The following AFAP1L2 variants were observed in gnomAD, a reference collection of about 807,000 sequenced individuals.
AFAP1L2 encodes actin filament associated protein 1 like 2, also known as actin filament-associated protein 1-like 2.
AFAP1L2 carries 46 observed loss-of-function variants against 99.3 expected under a neutral mutation model. The ratio of observed to expected loss-of-function variants is 0.46; its 90% CI spans 0.37 to 0.59. The LOEUF is 0.59. Ranked by LOEUF, AFAP1L2 falls within the 20% of genes least tolerant of loss-of-function variation. AFAP1L2 has a pLI of 0.00. For synonymous variants in AFAP1L2, 397 were observed against 419.1 expected (o/e 0.95, Z 0.64); for missense variants, 959 against 1,034.9 (o/e 0.93, Z 1.01).
intron 4 of AFAP1L2, among the ~76,000 whole-genome samples, chr10:114,323,515 T>C (rs2135249282): frequency 6.6e-6 from 1 of 152,278 alleles, no homozygotes; most frequent in Non-Finnish European, 1.5e-5. Flanking sequence ...CCCTGCAAAA[T>C]GAGGCTCAAG....
rs117001047 is a variant in AFAP1L2, at chr10:114,322,640, C to T, written c.406+531G>A. 7.7e-3 allele frequency among the ~76,000 whole-genome samples: 1,176 copies of T among 152,314 alleles called. 6 individuals carry two copies. Among genetic ancestry groups the T allele is most frequent in the Non-Finnish European group, 0.012 (815 of 68,024 alleles). ...TTTCCATCCTCTCACTTATCACCAC[C>T]GACACATGCTGTTTATTTGTTGTCT... On this transcript the variant is annotated intron_variant, in intron 5 of 18. Transcript: ENST00000304129.
At chr10:114,361,505 C>T (rs1342071599) in intron 1 of AFAP1L2, among the ~76,000 whole-genome samples, 3 of 152,172 alleles carry the variant, frequency 2.0e-5, no homozygotes. Flanking sequence ...AAACGTTAAA[C>T]CGAAAGCCGG....
At chr10:114,350,394 G>T (rs1200146224) in intron 1 of AFAP1L2, among the ~76,000 whole-genome samples, 1 of 152,160 alleles carries the variant, frequency 6.6e-6, no homozygotes, top group Non-Finnish European at 1.5e-5. Flanking sequence ...CTTCTGTGTG[G>T]GTAGGGACTA....
chr10:114,392,281 T>C (rs978583985), intron 1 of AFAP1L2, among the ~76,000 whole-genome samples: 1 of 152,074 alleles, frequency 6.6e-6, no homozygotes, highest in Non-Finnish European at 1.5e-5. Context: ...TCCCAGCTGC[T>C]CAGGAGACTG....
At chr10:114,314,630 G>C (rs1277074736) in intron 6 of AFAP1L2, among the ~76,000 whole-genome samples, 2 of 152,218 alleles carry the variant, frequency 1.3e-5, no homozygotes, top group African/African-American at 4.8e-5. Flanking sequence ...TTGGCACGGA[G>C]CAGGGCCTGT....
intron 4 of AFAP1L2, chr10:114,325,879 C>T (rs72826910): frequency 7.8e-6 from 10 of 1,286,802 alleles, no homozygotes; most frequent in Admixed American, 2.3e-5. Context: ...AGGGTCCTCT[C>T]GCCTCTGTGG....
intron 1 of AFAP1L2, among the ~76,000 whole-genome samples, chr10:114,401,418 T>C (rs1326343058): frequency 6.6e-6 from 1 of 152,208 alleles, no homozygotes; most frequent in Non-Finnish European, 1.5e-5. Flanking sequence ...AGGATGCTCT[T>C]ATGAGAGTCA....
intron 2 of AFAP1L2, among the ~76,000 whole-genome samples, chr10:114,334,168 G>A (rs1306933060): frequency 6.6e-6 from 1 of 152,196 alleles, no homozygotes; most frequent in East Asian, 1.9e-4. Context: ...ACCCTGCAGT[G>A]GCACAATCCA....
intron 2 of AFAP1L2, 58 bp from the exon 3 acceptor site, chr10:114,333,353 G>T: frequency 7.2e-7 from 1 of 1,390,776 alleles, no homozygotes; most frequent in Non-Finnish European, 1.0e-6. Flanking sequence ...AGGGCCTCCA[G>T]CTAGAAACCC....
chr10:114,364,986 C>T (rs2052998748), intron 1 of AFAP1L2, among the ~76,000 whole-genome samples: 1 of 152,216 alleles, frequency 6.6e-6, no homozygotes, highest in African/African-American at 2.4e-5. Flanking sequence ...AGTCAAATAA[C>T]ATGACAGGAT....
chr10:114,287,596 T>C, the AFAP1L2 span, among the ~76,000 whole-genome samples: 1 of 152,146 alleles, frequency 6.6e-6, no homozygotes, highest in Non-Finnish European at 1.5e-5. Flanking sequence ...TTCCCTCCTG[T>C]AAGGCGGAAG....
upstream of AFAP1L2, chr10:114,404,805 A>G (rs1766245034): frequency 7.9e-6 from 2 of 252,464 alleles, no homozygotes; most frequent in Non-Finnish European, 1.5e-5. Flanking sequence ...CGAGACTGGG[A>G]CGTTCCCAAA....
chr10:114,358,836 A>G (rs1314093684), intron 1 of AFAP1L2, among the ~76,000 whole-genome samples: 1 of 151,952 alleles, frequency 6.6e-6, no homozygotes, highest in Non-Finnish European at 1.5e-5. Flanking sequence ...AATCGCTTGA[A>G]CCCGGGAGGT....
the AFAP1L2 span, chr10:114,282,696 G>C: frequency 1.1e-5 from 8 of 750,904 alleles, no homozygotes; most frequent in East Asian, 2.1e-4. Context: ...CAGAGGGATG[G>C]GGCACTTGGG....
intron 15 of AFAP1L2, 69 bp from the exon 16 acceptor site, chr10:114,299,484 C>T: frequency 6.3e-7 from 1 of 1,586,382 alleles, no homozygotes; most frequent in Non-Finnish European, 8.6e-7. Context: ...CAGTCTACTC[C>T]CCAGGCTCGG....
At chr10:114,400,605 G>A (rs1390143524) in intron 1 of AFAP1L2, among the ~76,000 whole-genome samples, 1 of 152,174 alleles carries the variant, frequency 6.6e-6, no homozygotes, top group Non-Finnish European at 1.5e-5. Flanking sequence ...TGAGTATCGG[G>A]GGGGCATCCC....
At chr10:114,291,933 G>A (rs190775538), downstream of AFAP1L2, among the ~76,000 whole-genome samples, 10 of 152,266 alleles carry the variant, frequency 6.6e-5, no homozygotes, top group East Asian at 1.9e-4. Flanking sequence ...GAGGGGCCAC[G>A]TAAAATCGTT....
intron 1 of AFAP1L2, among the ~76,000 whole-genome samples, chr10:114,350,323 G>A (rs767561787): frequency 2.5e-4 from 38 of 152,172 alleles, no homozygotes; most frequent in Non-Finnish European, 4.9e-4. Context: ...CGATTCAGCC[G>A]TCTTTATTGT....
At chr10:114,346,030 G>A (rs1350093709) in intron 1 of AFAP1L2, among the ~76,000 whole-genome samples, 2 of 152,252 alleles carry the variant, frequency 1.3e-5, no homozygotes, top group African/African-American at 2.4e-5. Context: ...CCAGCCAGAT[G>A]TGTGGGGAAG....
Sources: gnomAD v4.1 joint callset for allele counts (sites outside exome capture counted in the v4.1 genomes callset) on GRCh38, gnomAD v4.1.1 for gene constraint, MANE v1.5 for transcripts, NCBI Gene and HGNC (gene_info 2026-07-23, HGNC 2026-07-21) for gene names.